Variants in SEMA7A observed in about 807,000 individuals in gnomAD.
The protein encoded by SEMA7A is semaphorin 7A (JohnMiltonHagen blood group), also known as semaphorin-7A.
A neutral mutation model predicts 67.5 loss-of-function variants in SEMA7A; 21 were observed. The observed-to-expected ratio is 0.31, with a 90% CI of 0.22 to 0.45. The LOEUF is 0.45. SEMA7A is among the 20% of genes least tolerant of loss of function. The probability of loss-of-function intolerance (pLI) is 1.00; values close to 1 mark genes in which losing one functional copy is unlikely to be tolerated. For synonymous variants in SEMA7A, 364 were observed against 368.5 expected (o/e 0.99, Z 0.14); for missense variants, 774 against 908.6 (o/e 0.85, Z 1.90).
intron 1 of SEMA7A, among the ~76,000 whole-genome samples, chr15:74,429,068 G>T (rs141722654): frequency 6.6e-6 from 1 of 152,328 alleles, no homozygotes; most frequent in East Asian, 1.9e-4. Context: ...GGCAGGACAG[G>T]TTAAGGGCCC....
intron 1 of SEMA7A, among the ~76,000 whole-genome samples, chr15:74,426,231 C>T (rs966892711): frequency 7.2e-5 from 11 of 152,104 alleles, no homozygotes; most frequent in Admixed American, 2.6e-4. Context: ...GCTGAGACCA[C>T]GCCACTGCAC....
intron 1 of SEMA7A, among the ~76,000 whole-genome samples, chr15:74,425,577 T>A (rs1392924371): frequency 6.6e-6 from 1 of 152,232 alleles, no homozygotes; most frequent in Non-Finnish European, 1.5e-5. Flanking sequence ...AGTCCTGACC[T>A]CTGCCCGTAA....
At chr15:74,415,576 A>T (rs1041172790) in intron 8 of SEMA7A, among the ~76,000 whole-genome samples, 3 of 152,098 alleles carry the variant, frequency 2.0e-5, no homozygotes, top group African/African-American at 7.2e-5. Flanking sequence ...ATGAGTGTGC[A>T]TATAGGGCAT....
chr15:74,411,641 C>A lies in SEMA7A; in HGVS notation c.1492G>T (p.Gly498Trp). The A allele has an allele frequency of 6.2e-7, 1 of 1,611,806 alleles. No homozygotes were observed. Among genetic ancestry groups the A allele is most frequent in the Non-Finnish European group, 8.5e-7 (1 of 1,179,190 alleles). ...VPLDLCEVYG[G>W]GCHGCLMSRD... ...GACATGAGGCAACCGTGGCAGCCCCCGCCATAGACCTCACACAGGTCCAGG... is the reference window on the plus strand; with the variant it reads ...GACATGAGGCAACCGTGGCAGCCCCAGCCATAGACCTCACACAGGTCCAGG... The change falls in exon 12 of 14, where the codon GGG becomes TGG. Residue 498 changes from glycine (G) to tryptophan (W), a missense_variant. Gly to Trp is a radical substitution (Grantham distance 184). Around this residue, in one of 2 missense-constraint regions of SEMA7A, gnomAD observed 427 missense variants for 555.4 expected, o/e 0.77. Coordinates refer to ENST00000261918, the MANE Select transcript of SEMA7A (RefSeq NM_003612.5). The surrounding 1 kb of genome is among the most constrained non-coding windows in gnomAD (Gnocchi z 4.4).
At chr15:74,431,187 G>A (rs1016659554) in intron 1 of SEMA7A, among the ~76,000 whole-genome samples, 4 of 152,186 alleles carry the variant, frequency 2.6e-5, no homozygotes, top group Non-Finnish European at 5.9e-5. Context: ...ATCCTTGACT[G>A]GCCCATGTGT....
At position 74,433,602 on chromosome 15, in the gene SEMA7A, G is replaced by A. The variant is rs187798281; in HGVS notation, c.178+139C>T. 247 of 1,264,732 alleles carry A rather than the reference G, an allele frequency of 2.0e-4. No homozygotes were observed. In the African/African-American group the frequency reaches 3.5e-3, roughly 18 times the overall value. The allele number at this position is 1,264,732 out of a possible 1,614,324, so 78.3% of individuals were successfully genotyped here. A position where few individuals can be genotyped will look rare whatever the true frequency, so the allele number is the denominator to read the frequency against. On this transcript the variant is annotated intron_variant, in intron 1 of 13. Coordinates refer to ENST00000261918, the MANE Select transcript of SEMA7A (RefSeq NM_003612.5). ...CACACACACTCACCCAAACCCACAC[G>A]CTCCACGCGGGGACAGCGCGGGGAC...
chr15:74,433,928 C>T lies in SEMA7A; in HGVS notation c.-10G>A, dbSNP rs1288662474. ...GCGGAGGAGGCGTCATCCCGTGGCC[C>T]CGGGAGCGACAGCGGCAATCAGCCG... is the stretch of plus-strand genomic sequence containing the variant. On this transcript the variant is annotated 5_prime_UTR_variant, in exon 1 of 14. Coordinates refer to ENST00000261918, the MANE Select transcript of SEMA7A (RefSeq NM_003612.5). 1.6e-6 allele frequency: 2 copies of T among 1,243,760 alleles called. No homozygotes were observed. Among genetic ancestry groups the T allele is most frequent in the South Asian group, 3.6e-5 (1 of 27,932 alleles). The allele number at this position is 1,243,760 out of a possible 1,614,324, so 77.0% of individuals were successfully genotyped here. A position where few individuals can be genotyped will look rare whatever the true frequency, so the allele number is the denominator to read the frequency against.
intron 8 of SEMA7A, 150 bp downstream of exon 8, chr15:74,415,651 C>T (rs565359788): frequency 8.0e-6 from 6 of 749,486 alleles, no homozygotes; most frequent in South Asian, 5.6e-5. Context: ...GGCTGTCCCC[C>T]CACCCCACAC....
chr15:74,417,394 G>C lies in SEMA7A; in HGVS notation c.602C>G (p.Pro201Arg), dbSNP rs1307361428. 1 of 1,614,032 alleles carries C rather than the reference G, an allele frequency of 6.2e-7. No homozygotes were observed. Among genetic ancestry groups the C allele is most frequent in the Admixed American group, 1.7e-5 (1 of 60,022 alleles). The stretch of plus-strand genomic sequence containing the variant: ...CTCGCCCCGGATGCGGCGGAACCGA[G>C]GGATCTTCCCATTGTATTCCTGCTT... ...IRKQEYNGKI[P>R]RFRRIRGESE... Residue 201 changes from proline (P) to arginine (R), a missense_variant, in exon 6 of 14, where the codon CCT becomes CGT. Transcript: ENST00000261918.
At chr15:74,433,493 T>A in intron 1 of SEMA7A, 1 of 1,108,772 alleles carries the variant, frequency 9.0e-7, no homozygotes, top group Non-Finnish European at 1.1e-6. Context: ...GCCAGGGACT[T>A]GGTGCGACTT....
chr15:74,416,318 A>AACACAC (rs371685466), intron 7 of SEMA7A, among the ~76,000 whole-genome samples: 5 of 148,052 alleles, frequency 3.4e-5, no homozygotes, highest in African/African-American at 9.9e-5. Context: ...ACACAGGCAA[A>AACACAC]ACACACACAC....
rs1450309453 is a variant in SEMA7A at position 74,409,470 on chromosome 15, C to T, written c.*1154G>A. On this transcript the variant is annotated 3_prime_UTR_variant, in exon 14 of 14. Coordinates refer to ENST00000261918, the MANE Select transcript of SEMA7A (RefSeq NM_003612.5). ...ACAGGGCTGGGGGCAGGGCCGCCTG[C>T]CTGGAGAGCTCGGCCCAGGCCATCC... 1 of 152,216 alleles carries T rather than the reference C, an allele frequency of 6.6e-6. No homozygotes were observed. The highest frequency in any genetic ancestry group is 1.9e-4 in the East Asian group (1 of 5,154). The allele number at this position is 152,216 out of a possible 1,614,324, so 9.4% of individuals were successfully genotyped here. A position where few individuals can be genotyped will look rare whatever the true frequency, so the allele number is the denominator to read the frequency against.
intron 10 of SEMA7A, 36 bp from the exon 11 acceptor site, chr15:74,412,048 T>C (rs1163737689): frequency 1.2e-6 from 2 of 1,609,310 alleles, no homozygotes; most frequent in Admixed American, 3.3e-5. Context: ...TGGGCGGGAG[T>C]CCCACTGAGG....
Position 74,414,908 on chromosome 15 carries a change from A to G in SEMA7A, c.1025T>C (p.Ile342Thr). The stretch of plus-strand genomic sequence containing the variant: ...TGAGGAGGTACGGAAGACCTTGTCA[A>G]TGTCACCGAGGGAATACACACAGAC... ...SAVCVYSLGDIDKVFRTSSLK... is the reference protein window; with the variant it reads ...SAVCVYSLGDTDKVFRTSSLK... The change falls in exon 9 of 14, where the codon ATT becomes ACT. Residue 342 changes from isoleucine to threonine, a missense_variant. By Grantham distance (89) the Ile-to-Thr change is moderately conservative. Transcript: ENST00000261918. The surrounding 1 kb of genome is among the most constrained non-coding windows in gnomAD (Gnocchi z 4.1). 5.0e-6 allele frequency: 8 copies of G among 1,614,160 alleles called. No individual in the cohort carries two copies. Among genetic ancestry groups the G allele is most frequent in the Non-Finnish European group, 6.8e-6 (8 of 1,180,018 alleles).
intron 1 of SEMA7A, among the ~76,000 whole-genome samples, chr15:74,422,753 C>T (rs2061011084): frequency 6.6e-6 from 1 of 152,240 alleles, no homozygotes; most frequent in South Asian, 2.1e-4. Flanking sequence ...ATCACCACCC[C>T]AGCAGCTGAC....
chr15:74,418,980 T>A (rs769633448), intron 1 of SEMA7A, 28 bp from the exon 2 acceptor site: 1 of 1,607,350 alleles, frequency 6.2e-7, no homozygotes, highest in South Asian at 1.1e-5. Flanking sequence ...AGTAGAAACA[T>A]TGAAGCCAGG....
At chr15:74,422,192 C>T (rs565955494) in intron 1 of SEMA7A, among the ~76,000 whole-genome samples, 2 of 152,196 alleles carry the variant, frequency 1.3e-5, no homozygotes, top group East Asian at 3.9e-4. Context: ...CTCTCCCCTG[C>T]TGCCTGAACC....
At position 74,424,774 on chromosome 15, in the gene SEMA7A, C is replaced by T. The variant is rs970309939; in HGVS notation, c.179-5822G>A. Among the ~76,000 whole-genome samples, 7 of 152,210 alleles carry T rather than the reference C, an allele frequency of 4.6e-5. 1 individual carries two copies. Among genetic ancestry groups the T allele is most frequent in the Admixed American group, 3.3e-4 (5 of 15,288 alleles). ...GAGTGGGTAAGATGCCCTGAGCCCA[C>T]GCCCAGGGAAGGCCGGAAGCCCAGG... On this transcript the variant is annotated intron_variant, in intron 1 of 13. Coordinates refer to ENST00000261918, the MANE Select transcript of SEMA7A (RefSeq NM_003612.5).
At position 74,411,830 on chromosome 15, in the gene SEMA7A, T is replaced by C. The variant is rs1325169811; in HGVS notation, c.1422+55A>G. On this transcript the variant is annotated intron_variant, in intron 11 of 13. Transcript: ENST00000261918. The surrounding 1 kb of genome is among the most constrained non-coding windows in gnomAD (Gnocchi z 4.4). ...ACACAAATCACATGCAAAGGAGCCC[T>C]GTCCTCAGCTGCAGTCACTGCATAG... 13 of 1,607,892 alleles carry C rather than the reference T, an allele frequency of 8.1e-6. No individual in the cohort carries two copies. Among genetic ancestry groups the C allele is most frequent in the Non-Finnish European group, 1.1e-5 (13 of 1,177,326 alleles).
Sources: allele counts gnomAD v4.1 joint callset (sites outside exome capture counted in the v4.1 genomes callset), GRCh38; gene constraint gnomAD v4.1.1; regional missense constraint gnomAD v4.1.1; non-coding constraint Gnocchi (gnomAD v3.1); transcripts MANE v1.5; gene names NCBI Gene and HGNC (gene_info 2026-07-23, HGNC 2026-07-21).